MINDY2: variants seen among roughly 807,000 people sequenced by gnomAD.
MINDY2 encodes MINDY lysine 48 deubiquitinase 2.
A neutral mutation model predicts 68.2 loss-of-function variants in MINDY2; 52 were observed. The ratio of observed to expected loss-of-function variants is 0.76; its 90% CI spans 0.61 to 0.96. The LOEUF (loss-of-function observed/expected upper bound fraction) is 0.96. MINDY2 is among the 40% of genes least tolerant of loss of function. The pLI is 0.00. For synonymous variants in MINDY2, 372 were observed against 303.0 expected (o/e 1.23, Z -2.36); for missense variants, 881 against 773.4 (o/e 1.14, Z -1.65).
rs567332314 is a variant in MINDY2 at position 58,845,801 on chromosome 15, C to T, written c.1369-1496C>T. Among the ~76,000 whole-genome samples, 4 of 152,152 alleles carry T rather than the reference C, an allele frequency of 2.6e-5. No homozygotes were observed. The South Asian group carries it at 6.2e-4, about 24-fold the overall frequency. On this transcript the variant is annotated intron_variant, in intron 6 of 8. Coordinates refer to ENST00000559228, the MANE Select transcript of MINDY2 (RefSeq NM_001040450.3). ...GCCAAGATGTGGAATCAAGCTGTGTCCATTGACAGACAAGTGGATAAAGAA... is the reference window on the plus strand; with the variant it reads ...GCCAAGATGTGGAATCAAGCTGTGTTCATTGACAGACAAGTGGATAAAGAA...
intron 2 of MINDY2, among the ~76,000 whole-genome samples, chr15:58,793,829 T>C (rs539223039): frequency 6.7e-6 from 1 of 150,322 alleles, no homozygotes; most frequent in East Asian, 2.0e-4. Context: ...AGGGGAGGAG[T>C]TGTTGAAAGT....
chr15:58,831,676 G>A, intron 5 of MINDY2, 98 bp from the exon 6 acceptor site: 1 of 1,024,924 alleles, frequency 9.8e-7, no homozygotes, highest in East Asian at 2.6e-5. Context: ...ATAATTATTG[G>A]CCTTTTTCCA....
At chr15:58,839,602 G>C (rs1375929636) in intron 6 of MINDY2, among the ~76,000 whole-genome samples, 1 of 152,104 alleles carries the variant, frequency 6.6e-6, no homozygotes, top group Non-Finnish European at 1.5e-5. Context: ...AAAGTGCTGA[G>C]ATTACAGGTT....
chr15:58,809,062 A>T (rs952216846), intron 3 of MINDY2, among the ~76,000 whole-genome samples: 1 of 152,214 alleles, frequency 6.6e-6, no homozygotes, highest in Non-Finnish European at 1.5e-5. Flanking sequence ...TATCAAAAAC[A>T]TTAGCTGGGC....
chr15:58,775,438 T>C (rs1162088112), intron 1 of MINDY2, among the ~76,000 whole-genome samples: 2 of 152,204 alleles, frequency 1.3e-5, no homozygotes, highest in South Asian at 2.1e-4. Context: ...ATAGCTGATA[T>C]TGGAGCTATT....
In MINDY2 at chr15:58,855,273, A is replaced by T. The variant is rs1405454970; in HGVS notation, c.*663A>T. The T allele has an allele frequency of 6.6e-6, 1 of 152,660 alleles. No individual in the cohort carries two copies. The highest frequency in any genetic ancestry group is 1.9e-4 in the East Asian group (1 of 5,198). 9.5% of individuals were successfully genotyped at this position (152,660 alleles called of 1,614,324 possible). On this transcript the variant is annotated 3_prime_UTR_variant, in exon 9 of 9. Transcript: ENST00000559228. The stretch of plus-strand genomic sequence containing the variant: ...TTCTTTTCCAATAGCAAAAAGTTAC[A>T]TAACACTAATACTTATAACCTATCA...
At chr15:58,784,777 A>G (rs1225127942) in intron 1 of MINDY2, among the ~76,000 whole-genome samples, 2 of 151,506 alleles carry the variant, frequency 1.3e-5, no homozygotes, top group Non-Finnish European at 2.9e-5. Flanking sequence ...GTGCCACCAC[A>G]CCTGGCTAAG....
At position 58,857,610 on chromosome 15, in the gene MINDY2, T is replaced by G. The variant is rs2033104114; in HGVS notation, c.*3000T>G. 6.6e-6 allele frequency: 1 copy of G among 151,820 alleles called. No homozygotes were observed. Among genetic ancestry groups the G allele is most frequent in the African/African-American group, 2.4e-5 (1 of 41,348 alleles). The allele number at this position is 151,820 out of a possible 1,614,324, so 9.4% of individuals were successfully genotyped here. A position where few individuals can be genotyped will look rare whatever the true frequency, so the allele number is the denominator to read the frequency against. On this transcript the variant is annotated 3_prime_UTR_variant, in exon 9 of 9. Transcript: ENST00000559228. ...ATTTTGCCCAAGGTAACGTTATATA[T>G]CCCACCACTTCATTGCTGGTTTGGG...
chr15:58,781,551 T>G (rs1375692991), intron 1 of MINDY2, among the ~76,000 whole-genome samples: 1 of 152,214 alleles, frequency 6.6e-6, no homozygotes, highest in African/African-American at 2.4e-5. Flanking sequence ...GATGAAAGTG[T>G]TTCAGAATTT....
At chr15:58,825,769 T>A (rs1222249661) in intron 5 of MINDY2, among the ~76,000 whole-genome samples, 2 of 152,064 alleles carry the variant, frequency 1.3e-5, no homozygotes, top group African/African-American at 4.8e-5. Context: ...CCACGCTGGC[T>A]AATTTTTTGT....
intron 2 of MINDY2, among the ~76,000 whole-genome samples, chr15:58,790,291 A>C (rs2140924932): frequency 6.6e-6 from 1 of 152,088 alleles, no homozygotes; most frequent in East Asian, 1.9e-4. Context: ...TTGATAAATG[A>C]TTCTTAAAGT....
chr15:58,851,479 C>T (rs2032809689), intron 7 of MINDY2, among the ~76,000 whole-genome samples: 2 of 151,320 alleles, frequency 1.3e-5, no homozygotes, highest in Admixed American at 6.6e-5. Flanking sequence ...CTCTCTGTCA[C>T]CCATGCTGGG....
chr15:58,847,469 A>T lies in MINDY2; in HGVS notation c.1541A>T (p.Gln514Leu), dbSNP rs1396173727. The T allele has an allele frequency of 2.2e-5, 34 of 1,532,172 alleles. No individual in the cohort carries two copies. Among genetic ancestry groups the T allele is most frequent in the Non-Finnish European group, 2.8e-5 (32 of 1,123,712 alleles). The allele number at this position is 1,532,172 out of a possible 1,614,324, so 94.9% of individuals were successfully genotyped here. The change falls in exon 7 of 9, where the codon CAG becomes CTG. Residue 514 changes from glutamine (Q) to leucine (L), a missense_variant and splice_region_variant. Transcript: ENST00000559228. The part of the protein sequence containing the change: ...VYKGQQDQID[Q>L]DYLMALSLQQ... ...AAAGGACAACAAGATCAGATAGATC[A>T]GGTAAATTTGTATTGTCGTCTTTAT...
chr15:58,852,951 TTTTTTTTTTTTTTTTTTTTA>T (rs2032902840), intron 8 of MINDY2, among the ~76,000 whole-genome samples: 2 of 32,386 alleles, frequency 6.2e-5, no homozygotes, highest in African/African-American at 1.7e-4. Flanking sequence ...TTTTTTTTTT[TTTTTTTTTTTTTTTTTTTTA>T]AGACAGAGTC....
intron 5 of MINDY2, among the ~76,000 whole-genome samples, chr15:58,826,637 A>T (rs1268724173): frequency 2.6e-5 from 4 of 152,128 alleles, no homozygotes; most frequent in Non-Finnish European, 5.9e-5. Context: ...CTCTTATATA[A>T]ATTCTCCTAT....
chr15:58,773,644 G>A (rs777240344), intron 1 of MINDY2, among the ~76,000 whole-genome samples: 20 of 152,078 alleles, frequency 1.3e-4, no homozygotes, highest in Non-Finnish European at 2.5e-4. Context: ...TTGGTATGGC[G>A]TAGTCCTAGA....
At chr15:58,818,612 T>C (rs181052299) in intron 4 of MINDY2, among the ~76,000 whole-genome samples, 2 of 152,134 alleles carry the variant, frequency 1.3e-5, no homozygotes, top group East Asian at 3.9e-4. Context: ...TCTTTTTTTA[T>C]TGGTACTCTA....
intron 1 of MINDY2, among the ~76,000 whole-genome samples, chr15:58,784,086 G>A (rs1028928408): frequency 4.0e-4 from 61 of 152,022 alleles, no homozygotes; most frequent in African/African-American, 1.3e-3. Context: ...AGCAATTTGC[G>A]AGGCTGAGGT....
Position 58,810,322 on chromosome 15 carries a change from A to T in MINDY2, c.1056A>T (p.Thr352=), listed in dbSNP as rs983896604. Residue 352 remains threonine (T), a synonymous_variant, in exon 4 of 9, where the codon ACA becomes ACT. Coordinates refer to ENST00000559228, the MANE Select transcript of MINDY2 (RefSeq NM_001040450.3). ...RFTGVRVFEY[T]PECIVFDLLD... ...CTGGTGTTCGAGTGTTTGAATATAC[A>T]CCAGAATGCATAGTATTTGATCTTC... 2 of 1,613,874 alleles carry T rather than the reference A, an allele frequency of 1.2e-6. No individual in the cohort carries two copies. Among genetic ancestry groups the T allele is most frequent in the Admixed American group, 3.3e-5 (2 of 59,958 alleles).
Sources: gnomAD v4.1 joint callset for allele counts (sites outside exome capture counted in the v4.1 genomes callset) on GRCh38, gnomAD v4.1.1 for gene constraint, MANE v1.5 for transcripts, NCBI Gene and HGNC (gene_info 2026-07-23, HGNC 2026-07-21) for gene names.